ZMYM6: variants seen among roughly 807,000 people sequenced by gnomAD.
The protein encoded by ZMYM6 is zinc finger MYM-type containing 6.
A neutral mutation model predicts 134.0 loss-of-function variants in ZMYM6; 90 were observed. The observed-to-expected ratio is 0.67, with a 90% CI of 0.57 to 0.80. The LOEUF is 0.80. Among genes scored for constraint, ZMYM6 ranks in the 30% least tolerant of loss-of-function variants. ZMYM6 has a pLI of 0.00. For synonymous variants in ZMYM6, 481 were observed against 524.1 expected (o/e 0.92, Z 1.12); for missense variants, 1,362 against 1,533.9 (o/e 0.89, Z 1.87).
chr1:35,025,372 C>G (rs996213608), intron 2 of ZMYM6, among the ~76,000 whole-genome samples: 24 of 146,056 alleles, frequency 1.6e-4, no homozygotes, highest in African/African-American at 6.1e-4. Context: ...CAGGCTGAGG[C>G]AGGAGAACTG....
intron 12 of ZMYM6, among the ~76,000 whole-genome samples, chr1:35,006,213 T>C (rs1640963555): frequency 6.6e-6 from 1 of 152,132 alleles, no homozygotes; most frequent in African/African-American, 2.4e-5. Flanking sequence ...TCACCATGTT[T>C]ACCAGTCTGG....
chr1:35,006,928 C>T (rs2148450936), intron 12 of ZMYM6, 23 bp downstream of exon 12: 2 of 1,594,648 alleles, frequency 1.3e-6, no homozygotes, highest in East Asian at 4.5e-5. Flanking sequence ...CATAAAAATC[C>T]CATTAGCTAA....
At chr1:35,028,865 A>G (rs933240632) in intron 2 of ZMYM6, among the ~76,000 whole-genome samples, 6 of 151,940 alleles carry the variant, frequency 3.9e-5, no homozygotes, top group African/African-American at 1.5e-4. Flanking sequence ...CTTTCCAAAC[A>G]CAAATCTGTT....
At chr1:35,015,352 T>G (rs1056402325) in intron 4 of ZMYM6, among the ~76,000 whole-genome samples, 190 bp from the exon 5 acceptor site, 3 of 152,158 alleles carry the variant, frequency 2.0e-5, no homozygotes, top group African/African-American at 7.2e-5. Context: ...ATGTAATTAC[T>G]ATCTCAATTT....
At chr1:35,028,660 C>T (rs1299607190) in intron 2 of ZMYM6, among the ~76,000 whole-genome samples, 7 of 151,486 alleles carry the variant, frequency 4.6e-5, no homozygotes, top group African/African-American at 1.7e-4. Context: ...CCACCACGCC[C>T]AGCTAATTTT....
rs779744346 is a variant in ZMYM6, at chr1:34,987,613, G to A, written c.3469C>T (p.Arg1157Cys). 30 of 1,606,288 alleles carry A rather than the reference G, an allele frequency of 1.9e-5. 1 individual carries two copies. Among genetic ancestry groups the A allele is most frequent in the South Asian group, 5.6e-5 (5 of 89,932 alleles). ...ATGTCATAATCATTCTCTTGTGTGCGCTTCAACCACATTTTTAACTTTCTC... is the reference window on the plus strand; with the variant it reads ...ATGTCATAATCATTCTCTTGTGTGCACTTCAACCACATTTTTAACTTTCTC... The part of the protein sequence containing the change: ...FKRKLKMWLK[R>C]TQENDYDMFP... The change falls in exon 16 of 16, where the codon CGC becomes TGC. Residue 1157 changes from arginine (R) to cysteine (C), a missense_variant. By Grantham distance (180) the Arg-to-Cys change is radical. Transcript: ENST00000357182.
chr1:35,019,687 T>C (rs1286331240), intron 3 of ZMYM6, 85 bp from the exon 4 acceptor site: 1 of 1,438,778 alleles, frequency 7.0e-7, no homozygotes, highest in African/African-American at 1.4e-5. Context: ...TCTTTTTTCT[T>C]TTTCTGAGAC....
intron 4 of ZMYM6, 143 bp downstream of exon 4, chr1:35,019,210 A>AG: frequency 8.1e-7 from 1 of 1,239,476 alleles, no homozygotes; most frequent in Non-Finnish European, 1.1e-6. Context: ...AAACTTTAAA[A>AG]TTGGTGAATT....
intron 2 of ZMYM6, among the ~76,000 whole-genome samples, chr1:35,025,338 G>GCACCTGTAATCCCAGCTA (rs975317665): frequency 1.2e-4 from 18 of 151,680 alleles, no homozygotes; most frequent in Admixed American, 1.2e-3. Flanking sequence ...GTGGTGGTGG[G>GCACCTGTAATCCCAGCTA]CACCTGTAAT....
intron 4 of ZMYM6, among the ~76,000 whole-genome samples, chr1:35,015,971 G>A (rs1361710662): frequency 1.4e-5 from 2 of 140,104 alleles, no homozygotes; most frequent in Admixed American, 7.6e-5. Flanking sequence ...TTTGTGAGAC[G>A]GAGTCTCGCT....
chr1:35,012,697 C>A, intron 6 of ZMYM6, 116 bp from the exon 7 acceptor site: 1 of 1,463,654 alleles, frequency 6.8e-7, no homozygotes, highest in Non-Finnish European at 9.0e-7. Flanking sequence ...AATATTTGAG[C>A]ATGATGATGA....
rs1640997674 is a variant in ZMYM6 at position 35,007,202 on chromosome 1, G to A, written c.1666-104C>T. 1.4e-5 allele frequency: 16 copies of A among 1,128,044 alleles called. No homozygotes were observed. In the East Asian group the frequency reaches 4.4e-4, roughly 31 times the overall value. 69.9% of individuals were successfully genotyped at this position (1,128,044 alleles called of 1,614,324 possible). A position where few individuals can be genotyped will look rare whatever the true frequency, so the allele number is the denominator to read the frequency against. ...CTACGAAAACAGGATATATGAGTCA[G>A]TTGAGACTACAAAATGTAAGGTTCT... is the stretch of plus-strand genomic sequence containing the variant. On this transcript the variant is annotated intron_variant, in intron 11 of 15. Coordinates refer to ENST00000357182, the MANE Select transcript of ZMYM6 (RefSeq NM_007167.4).
At chr1:35,012,251 T>C (rs1225140145) in intron 7 of ZMYM6, among the ~76,000 whole-genome samples, 180 bp downstream of exon 7, 2 of 152,164 alleles carry the variant, frequency 1.3e-5, no homozygotes, top group South Asian at 2.1e-4. Flanking sequence ...ACTGTATATA[T>C]TGCAACCAAG....
intron 2 of ZMYM6, among the ~76,000 whole-genome samples, chr1:35,028,690 G>A (rs1230154741): frequency 4.0e-5 from 6 of 151,302 alleles, no homozygotes; most frequent in South Asian, 2.1e-4. Flanking sequence ...TTGTAGAGAC[G>A]GGGTTTCACC....
chr1:35,013,448 C>T (rs1403730621), intron 6 of ZMYM6: 4 of 983,630 alleles, frequency 4.1e-6, no homozygotes, highest in Non-Finnish European at 4.8e-6. Context: ...AGACAGAGTA[C>T]AATACTAGTA....
chr1:34,997,095 C>T (rs1398342045), intron 14 of ZMYM6, among the ~76,000 whole-genome samples: 1 of 152,096 alleles, frequency 6.6e-6, no homozygotes, highest in Non-Finnish European at 1.5e-5. Flanking sequence ...ACTAAATTGC[C>T]CTCTGCAGCA....
At chr1:35,001,504 C>A (rs1640880573) in intron 14 of ZMYM6, among the ~76,000 whole-genome samples, 1 of 151,956 alleles carries the variant, frequency 6.6e-6, no homozygotes, top group Non-Finnish European at 1.5e-5. Flanking sequence ...CTAATTATCT[C>A]ATATATACAG....
At chr1:34,989,499 G>A (rs770693847) in intron 15 of ZMYM6, 2 of 152,182 alleles carry the variant, frequency 1.3e-5, no homozygotes, top group East Asian at 1.9e-4. Flanking sequence ...AGCCTGCAGA[G>A]AGCCATGATC....
At chr1:34,993,362 C>T (rs1319417943) in intron 14 of ZMYM6, among the ~76,000 whole-genome samples, 4 of 151,940 alleles carry the variant, frequency 2.6e-5, no homozygotes, top group Admixed American at 1.3e-4. Flanking sequence ...CCGCCCACCT[C>T]GGCCTCCCAA....
Sources: allele counts gnomAD v4.1 joint callset (sites outside exome capture counted in the v4.1 genomes callset), GRCh38; gene constraint gnomAD v4.1.1; transcripts MANE v1.5; gene names NCBI Gene and HGNC (gene_info 2026-07-23, HGNC 2026-07-21).